The following SPAG16 variants were observed in gnomAD, a reference collection of about 807,000 sequenced individuals.
SPAG16 encodes the protein sperm-associated antigen 16 protein.
A neutral mutation model predicts 80.4 loss-of-function variants in SPAG16; 86 were observed. That is an observed-to-expected ratio of 1.07 (90% CI 0.90 to 1.28). SPAG16 has a LOEUF of 1.28. Ranked by LOEUF, SPAG16 falls within the 50% of genes most tolerant of loss-of-function variation. The pLI is 0.00. For synonymous variants in SPAG16, 294 were observed against 265.9 expected, an observed-to-expected ratio of 1.11 and a Z score of -1.03; for missense variants, 870 against 765.3, an observed-to-expected ratio of 1.14 and a Z score of -1.61.
chr2:213,436,759 T>G (rs899870381), intron 9 of SPAG16, among the ~76,000 whole-genome samples: 1 of 152,194 alleles, frequency 6.6e-6, no homozygotes, highest in Non-Finnish European at 1.5e-5. Flanking sequence ...ATTTAATTTA[T>G]TTTCAAATAA....
At chr2:214,191,242 C>T (rs1322931496) in intron 15 of SPAG16, among the ~76,000 whole-genome samples, 1 of 152,110 alleles carries the variant, frequency 6.6e-6, no homozygotes, top group Non-Finnish European at 1.5e-5. Context: ...GGCACAGCCA[C>T]TTTCAATAAT....
intron 1 of SPAG16, among the ~76,000 whole-genome samples, chr2:213,288,654 T>A (rs2126048351): frequency 6.6e-6 from 1 of 152,176 alleles, no homozygotes; most frequent in East Asian, 1.9e-4. Context: ...ACTTTTTTTT[T>A]TTTTAAAGCT....
chr2:214,116,420 T>A (rs2053937629), intron 14 of SPAG16, among the ~76,000 whole-genome samples: 1 of 152,282 alleles, frequency 6.6e-6, no homozygotes, highest in East Asian at 1.9e-4. Flanking sequence ...TGCACCAGAC[T>A]CAGTTCCAGC....
chr2:213,556,380 A>G (rs1037739140), intron 10 of SPAG16, among the ~76,000 whole-genome samples: 106 of 151,480 alleles, frequency 7.0e-4, no homozygotes, highest in African/African-American at 2.4e-3. Context: ...TCTAAAAACC[A>G]TGTATAAAAG....
chr2:213,837,281 C>T (rs1265645121), intron 10 of SPAG16, among the ~76,000 whole-genome samples: 1 of 152,168 alleles, frequency 6.6e-6, no homozygotes, highest in African/African-American at 2.4e-5. Flanking sequence ...AATCTATTTA[C>T]TATATAGGCC....
chr2:213,915,375 C>A (rs180845893), intron 11 of SPAG16, among the ~76,000 whole-genome samples: 1 of 151,756 alleles, frequency 6.6e-6, no homozygotes, highest in Non-Finnish European at 1.5e-5. Context: ...TGAGAACATG[C>A]GGTGTTTGGT....
chr2:213,917,680 A>G (rs1247003829), intron 11 of SPAG16, among the ~76,000 whole-genome samples: 1 of 152,168 alleles, frequency 6.6e-6, no homozygotes, highest in Non-Finnish European at 1.5e-5. Context: ...TTGGGCCAAG[A>G]TTATGGGGTT....
rs1330232801 is a variant in SPAG16 at position 213,640,168 on chromosome 2, ATTTAAG to A, written c.1070+150082_1070+150087del. ...CTGTTTTTAAGTTTTGGTTGTTTTAATTTAAGTTTGTTTTCTCCTTTCTTTGGTGCC... is the reference window on the plus strand; with the variant it reads ...CTGTTTTTAAGTTTTGGTTGTTTTAATTTGTTTTCTCCTTTCTTTGGTGCC... On this transcript the variant is annotated intron_variant, in intron 10 of 15. Transcript: ENST00000331683. 2.6e-5 allele frequency among the ~76,000 whole-genome samples: 4 copies of A among 151,818 alleles called. No individual in the cohort carries two copies. In the East Asian group the frequency reaches 7.7e-4, roughly 29 times the overall value.
intron 12 of SPAG16, among the ~76,000 whole-genome samples, chr2:213,993,018 C>G (rs1049099044): frequency 6.6e-6 from 1 of 152,146 alleles, no homozygotes; most frequent in South Asian, 2.1e-4. Flanking sequence ...AGCAACATAA[C>G]GAGCTAAGAA....
At chr2:213,402,751 T>C (rs1157952018) in intron 9 of SPAG16, among the ~76,000 whole-genome samples, 1 of 152,232 alleles carries the variant, frequency 6.6e-6, no homozygotes, top group African/African-American at 2.4e-5. Flanking sequence ...ACAGAGGACA[T>C]GAACTCATCA....
chr2:214,236,579 G>C (rs1269439207), intron 15 of SPAG16, among the ~76,000 whole-genome samples: 2 of 151,686 alleles, frequency 1.3e-5, no homozygotes, highest in Non-Finnish European at 2.9e-5. Flanking sequence ...TTGAACCCAG[G>C]AGGCAGAGGT....
chr2:214,347,346 A>G (rs1429654706), intron 15 of SPAG16, among the ~76,000 whole-genome samples: 3 of 66,738 alleles, frequency 4.5e-5, no homozygotes, highest in Non-Finnish European at 1.5e-4. Flanking sequence ...ACAAAATATT[A>G]GGGTTTTTTT....
intron 14 of SPAG16, among the ~76,000 whole-genome samples, chr2:214,111,362 T>C (rs1380993055): frequency 1.3e-5 from 2 of 152,192 alleles, no homozygotes; most frequent in African/African-American, 4.8e-5. Context: ...TAGCCAGTTT[T>C]CCCAGCACCA....
chr2:214,368,791 T>A (rs550582680), intron 15 of SPAG16, among the ~76,000 whole-genome samples: 1 of 152,266 alleles, frequency 6.6e-6, no homozygotes, highest in South Asian at 2.1e-4. Context: ...ATTCACATAA[T>A]CACACCATGG....
intron 12 of SPAG16, among the ~76,000 whole-genome samples, chr2:214,008,343 T>C (rs1473679883): frequency 1.3e-5 from 2 of 152,186 alleles, no homozygotes; most frequent in East Asian, 1.9e-4. Flanking sequence ...TGATTTCCAA[T>C]GTTTGATTCA....
chr2:213,390,965 C>G (rs373578341), intron 9 of SPAG16, among the ~76,000 whole-genome samples: 2 of 152,164 alleles, frequency 1.3e-5, no homozygotes, highest in East Asian at 1.9e-4. Context: ...ATTTTAATTC[C>G]TTTTGATCTT....
intron 10 of SPAG16, among the ~76,000 whole-genome samples, chr2:213,558,980 T>G (rs2059517701): frequency 6.6e-6 from 1 of 152,096 alleles, no homozygotes; most frequent in Admixed American, 6.6e-5. Flanking sequence ...AAGCACATAA[T>G]CATAATGGCA....
chr2:213,624,302 A>G lies in SPAG16; in HGVS notation c.1070+134212A>G, dbSNP rs868510166. Reference sequence around the variant, plus strand: ...TAACAATACAGCCCATTTAGGAGACACATTAATCTCCCATGTGACTCCAGA... The same window carrying G: ...TAACAATACAGCCCATTTAGGAGACGCATTAATCTCCCATGTGACTCCAGA... On this transcript the variant is annotated intron_variant, in intron 10 of 15. Transcript: ENST00000331683. Among the ~76,000 whole-genome samples the G allele has an allele frequency of 1.1e-4, 16 of 152,214 alleles. 1 individual carries two copies. The highest frequency in any genetic ancestry group is 2.1e-4 in the Non-Finnish European group (14 of 68,028).
chr2:213,874,527 T>A (rs1031566449), intron 11 of SPAG16, among the ~76,000 whole-genome samples: 9 of 152,144 alleles, frequency 5.9e-5, no homozygotes, highest in Admixed American at 4.6e-4. Flanking sequence ...TGGAAGTTCT[T>A]CAGGGGCATA....
Sources: allele counts gnomAD v4.1 joint callset (sites outside exome capture counted in the v4.1 genomes callset), GRCh38; gene constraint gnomAD v4.1.1; transcripts MANE v1.5; gene names NCBI Gene and HGNC (gene_info 2026-07-23, HGNC 2026-07-21).